The following AGBL4 variants were observed in gnomAD, a reference collection of about 807,000 sequenced individuals.
The protein encoded by AGBL4 is cytosolic carboxypeptidase 6.
Under a neutral mutation model 66.4 loss-of-function variants are expected in AGBL4, and 58 were observed. The observed-to-expected ratio is 0.87, with a 90% CI of 0.71 to 1.09. The LOEUF (loss-of-function observed/expected upper bound fraction) is 1.09, where lower values mean the gene tolerates loss of function less well. Ranked by LOEUF, AGBL4 falls within the 50% of genes least tolerant of loss-of-function variation. The pLI, the probability that AGBL4 is intolerant of heterozygous loss-of-function variation, is 0.00. For missense variants in AGBL4, 579 were observed against 631.0 expected (o/e 0.92, Z 0.88); for synonymous variants, 234 against 222.9 (o/e 1.05, Z -0.44).
chr1:49,297,795 C>G (rs557522713), intron 3 of AGBL4, among the ~76,000 whole-genome samples: 21 of 152,224 alleles, frequency 1.4e-4, no homozygotes, highest in African/African-American at 4.3e-4. Flanking sequence ...AGTCCAAGTA[C>G]CTAAGCCTAT....
At chr1:48,960,526 G>T (rs921955868) in intron 5 of AGBL4, among the ~76,000 whole-genome samples, 1 of 152,164 alleles carries the variant, frequency 6.6e-6, no homozygotes, top group Non-Finnish European at 1.5e-5. Context: ...TGACTAAGAA[G>T]AGACCAAAGA....
chr1:49,702,443 A>G (rs1254919010), intron 2 of AGBL4, among the ~76,000 whole-genome samples: 1 of 152,150 alleles, frequency 6.6e-6, no homozygotes, highest in Non-Finnish European at 1.5e-5. Context: ...GTGAGCCAAG[A>G]TCGTGCCACT....
intron 1 of AGBL4, among the ~76,000 whole-genome samples, chr1:49,977,047 T>A (rs1312814228): frequency 6.6e-6 from 1 of 152,246 alleles, no homozygotes; most frequent in Non-Finnish European, 1.5e-5. Flanking sequence ...AAATATTAAC[T>A]CATATTTCTA....
chr1:49,975,406 G>A (rs536161194), intron 1 of AGBL4, among the ~76,000 whole-genome samples: 16 of 152,290 alleles, frequency 1.1e-4, no homozygotes, highest in South Asian at 1.0e-3. Context: ...TTCAAGGCAA[G>A]TATAAAAAAT....
At chr1:49,560,026 A>T (rs1049536116) in intron 3 of AGBL4, among the ~76,000 whole-genome samples, 5 of 152,078 alleles carry the variant, frequency 3.3e-5, no homozygotes, top group South Asian at 2.1e-4. Context: ...ACAACCCTAA[A>T]CAGTGAAGCC....
chr1:49,634,520 A>G (rs1645633621), intron 3 of AGBL4, among the ~76,000 whole-genome samples: 2 of 152,172 alleles, frequency 1.3e-5, no homozygotes, highest in Admixed American at 1.3e-4. Flanking sequence ...GTCGCAATAA[A>G]CATATGTGTG....
At chr1:49,038,532 G>A (rs1664845928) in intron 5 of AGBL4, among the ~76,000 whole-genome samples, 2 of 152,020 alleles carry the variant, frequency 1.3e-5, no homozygotes, top group African/African-American at 2.4e-5. Context: ...AAATAAAAAT[G>A]AGCCAAAGAC....
chr1:49,610,746 C>G (rs1645140049), intron 3 of AGBL4, among the ~76,000 whole-genome samples: 1 of 152,154 alleles, frequency 6.6e-6, no homozygotes. Flanking sequence ...TTGGATTTCA[C>G]AGCCTCCAGA....
intron 1 of AGBL4, among the ~76,000 whole-genome samples, chr1:49,854,604 C>G (rs1646388627): frequency 6.6e-6 from 1 of 152,126 alleles, no homozygotes; most frequent in Non-Finnish European, 1.5e-5. Flanking sequence ...ACCTCTTACC[C>G]TGGGGCCCAG....
intron 3 of AGBL4, among the ~76,000 whole-genome samples, chr1:49,415,166 C>T (rs1645400393): frequency 6.6e-6 from 1 of 152,126 alleles, no homozygotes; most frequent in Non-Finnish European, 1.5e-5. Flanking sequence ...TGCTCCGATA[C>T]ATGTTACATT....
chr1:49,257,648 T>G, intron 3 of AGBL4, among the ~76,000 whole-genome samples: 1 of 152,236 alleles, frequency 6.6e-6, no homozygotes, highest in East Asian at 1.9e-4. Flanking sequence ...CGCGCTGCTT[T>G]GGCTCATGCA....
intron 8 of AGBL4, among the ~76,000 whole-genome samples, chr1:48,636,243 A>G (rs181107705): frequency 6.6e-6 from 1 of 152,232 alleles, no homozygotes; most frequent in Non-Finnish European, 1.5e-5. Flanking sequence ...AAAAAGGAAC[A>G]TCACCTTCCT....
chr1:49,116,690 T>C (rs1351382576), intron 4 of AGBL4, among the ~76,000 whole-genome samples: 1 of 152,234 alleles, frequency 6.6e-6, no homozygotes, highest in African/African-American at 2.4e-5. Flanking sequence ...TATGTGTGCA[T>C]GTGTCTTTAT....
chr1:49,743,798 C>T (rs1256007967), intron 2 of AGBL4, among the ~76,000 whole-genome samples: 1 of 150,260 alleles, frequency 6.7e-6, no homozygotes, highest in East Asian at 2.0e-4. Flanking sequence ...CGAACTATCG[C>T]AAGGACAAAA....
intron 3 of AGBL4, among the ~76,000 whole-genome samples, chr1:49,499,366 T>C (rs949634621): frequency 1.3e-4 from 20 of 151,940 alleles, no homozygotes; most frequent in Non-Finnish European, 2.2e-4. Context: ...ATCCTTTTAT[T>C]ATTATTATTA....
intron 3 of AGBL4, among the ~76,000 whole-genome samples, chr1:49,357,894 C>T (rs2148530520): frequency 6.6e-6 from 1 of 152,268 alleles, no homozygotes; most frequent in Admixed American, 6.5e-5. Flanking sequence ...CTTACTGGGA[C>T]ACATGCTTCA....
At chr1:48,881,606 T>A (rs1393580087) in intron 5 of AGBL4, among the ~76,000 whole-genome samples, 1 of 152,160 alleles carries the variant, frequency 6.6e-6, no homozygotes, top group Non-Finnish European at 1.5e-5. Context: ...TAGCTAAAGT[T>A]GGAAATACAC....
intron 5 of AGBL4, among the ~76,000 whole-genome samples, chr1:48,942,879 G>A (rs747816864): frequency 6.6e-6 from 1 of 152,074 alleles, no homozygotes; most frequent in Non-Finnish European, 1.5e-5. Flanking sequence ...AGGATAGAAG[G>A]TTACATATAC....
chr1:48,925,407 A>G (rs1654453145), intron 5 of AGBL4, among the ~76,000 whole-genome samples: 1 of 152,232 alleles, frequency 6.6e-6, no homozygotes, highest in Admixed American at 6.5e-5. Context: ...GTTTCACACA[A>G]AAGTTTCTAA....
Sources: gnomAD v4.1 joint callset for allele counts (sites outside exome capture counted in the v4.1 genomes callset) on GRCh38, gnomAD v4.1.1 for gene constraint, MANE v1.5 for transcripts, NCBI Gene and HGNC (gene_info 2026-07-23, HGNC 2026-07-21) for gene names.